WDR49: variants seen among roughly 807,000 people sequenced by gnomAD.
The protein encoded by WDR49 is WD repeat domain 49.
A neutral mutation model predicts 119.5 loss-of-function variants in WDR49; 107 were observed. The observed-to-expected ratio is 0.90, with a 90% confidence interval of 0.77 to 1.05. The LOEUF is 1.05. Ranked by LOEUF, WDR49 falls within the 50% of genes least tolerant of loss-of-function variation. WDR49 has a pLI of 0.00. For synonymous variants in WDR49, 425 were observed against 418.8 expected, an observed-to-expected ratio of 1.01 and a Z score of -0.18; for missense variants, 1,240 against 1,220.5, an observed-to-expected ratio of 1.02 and a Z score of -0.24.
At chr3:167,577,671 T>C (rs1398396234) in intron 7 of WDR49, among the ~76,000 whole-genome samples, 1 of 152,184 alleles carries the variant, frequency 6.6e-6, no homozygotes, top group Non-Finnish European at 1.5e-5. Flanking sequence ...TATTTTATTT[T>C]TTCATTGTGT....
intron 7 of WDR49, among the ~76,000 whole-genome samples, chr3:167,586,678 T>C (rs1714832068): frequency 1.3e-5 from 2 of 152,216 alleles, no homozygotes; most frequent in African/African-American, 4.8e-5. Context: ...GCAGAATGCA[T>C]TGTTGTTTGT....
intron 7 of WDR49, among the ~76,000 whole-genome samples, chr3:167,578,054 C>G (rs1034012558): frequency 6.6e-6 from 1 of 152,158 alleles, no homozygotes; most frequent in South Asian, 2.1e-4. Context: ...TCTTCTTCTA[C>G]CTTTTCATTC....
At chr3:167,489,580 G>C (rs562513362) in intron 18 of WDR49, among the ~76,000 whole-genome samples, 1 of 152,178 alleles carries the variant, frequency 6.6e-6, no homozygotes, top group African/African-American at 2.4e-5. Flanking sequence ...TGATGAAAAG[G>C]AAAGATGTGG....
At chr3:167,564,702 A>T (rs971579077) in intron 8 of WDR49, among the ~76,000 whole-genome samples, 2 of 152,220 alleles carry the variant, frequency 1.3e-5, no homozygotes, top group African/African-American at 4.8e-5. Context: ...TGATGAGAAC[A>T]GTCTCTCTCT....
Position 167,495,883 on chromosome 3 carries a change from G to GAA in WDR49, c.3031+4268_3031+4269dup. On this transcript the variant is annotated intron_variant, in intron 18 of 18. Coordinates refer to ENST00000682715, the MANE Select transcript of WDR49 (RefSeq NM_001366157.1). ...GGAAATAAGTTAACTTTAAAAATTT[G>GAA]AAAAAAAAAAAAAAAAAAAAAAAGC... is the stretch of plus-strand genomic sequence containing the variant. Among the ~76,000 whole-genome samples the GAA allele has an allele frequency of 9.2e-3, 651 of 71,024 alleles. 8 individuals carry two copies. The highest frequency in any genetic ancestry group is 0.042 in the Middle Eastern group (3 of 72). The allele number at this position is 71,024 out of a possible 152,430, so 46.6% of individuals were successfully genotyped here. A position where few individuals can be genotyped will look rare whatever the true frequency, so the allele number is the denominator to read the frequency against.
chr3:167,521,027 T>G (rs1404636876), intron 16 of WDR49, among the ~76,000 whole-genome samples: 1 of 152,094 alleles, frequency 6.6e-6, no homozygotes, highest in Non-Finnish European at 1.5e-5. Flanking sequence ...ACAGCAGACC[T>G]GTGTCTCACT....
chr3:167,603,257 CCTT>C (rs1228314763), intron 6 of WDR49, among the ~76,000 whole-genome samples: 1 of 152,062 alleles, frequency 6.6e-6, no homozygotes, highest in African/African-American at 2.4e-5. Context: ...ACTTAATCAT[CCTT>C]ATTTTTTCCA....
intron 7 of WDR49, among the ~76,000 whole-genome samples, chr3:167,597,558 C>T (rs770100325): frequency 2.6e-5 from 4 of 152,096 alleles, no homozygotes; most frequent in South Asian, 2.1e-4. Context: ...CAACAGCTTG[C>T]GTCGTGCACC....
At chr3:167,623,291 T>C (rs1190776776) in intron 3 of WDR49, among the ~76,000 whole-genome samples, 1 of 152,036 alleles carries the variant, frequency 6.6e-6, no homozygotes, top group Non-Finnish European at 1.5e-5. Context: ...TATACTGAAC[T>C]AAATACTAGC....
chr3:167,517,530 T>C (rs1342408303), intron 16 of WDR49, among the ~76,000 whole-genome samples: 1 of 152,060 alleles, frequency 6.6e-6, no homozygotes, highest in African/African-American at 2.4e-5. Context: ...TCAAAATGGA[T>C]TAAAGACTTA....
At chr3:167,624,286 A>T (rs1233620553) in intron 3 of WDR49, among the ~76,000 whole-genome samples, 1 of 149,942 alleles carries the variant, frequency 6.7e-6, no homozygotes, top group African/African-American at 2.5e-5. Context: ...GCAGAGCAAT[A>T]AAAAAAACTA....
chr3:167,564,381 A>AGG (rs1447101873), intron 8 of WDR49, among the ~76,000 whole-genome samples: 1 of 152,228 alleles, frequency 6.6e-6, no homozygotes, highest in African/African-American at 2.4e-5. Flanking sequence ...GGGCGTTCAA[A>AGG]GTTTAGTGAA....
chr3:167,612,479 T>C (rs1237446161), intron 5 of WDR49, among the ~76,000 whole-genome samples: 1 of 149,200 alleles, frequency 6.7e-6, no homozygotes, highest in Non-Finnish European at 1.5e-5. Flanking sequence ...ATAATAAAGA[T>C]CAGAGCTGAA....
At chr3:167,644,247 C>T (rs564595556) in intron 2 of WDR49, among the ~76,000 whole-genome samples, 2 of 152,154 alleles carry the variant, frequency 1.3e-5, no homozygotes, top group South Asian at 4.1e-4. Flanking sequence ...ACTAGACATA[C>T]ATTTAGAAAT....
At position 167,522,479 on chromosome 3, in the gene WDR49, C is replaced by A. The variant is rs760426003; in HGVS notation, c.2610G>T (p.Lys870Asn). The A allele has an allele frequency of 4.4e-6, 7 of 1,584,446 alleles. No individual in the cohort carries two copies. In the African/African-American group the frequency reaches 9.6e-5, roughly 22 times the overall value. Reference sequence around the variant, plus strand: ...AAAGGCAGTTTTCAATATGCCAGTGCTTTGCCTGAAAAAAACGAAAACATC... The same window carrying A: ...AAAGGCAGTTTTCAATATGCCAGTGATTTGCCTGAAAAAAACGAAAACATC... The part of the protein sequence containing the change: ...NAPVWIFGQA[K>N]HWHIENCLFL... The change falls in exon 16 of 19, where the codon AAG (lysine) becomes AAT (asparagine). Residue 870 changes from lysine (K) to asparagine (N), a missense_variant. Coordinates refer to ENST00000682715, the MANE Select transcript of WDR49 (RefSeq NM_001366157.1).
At position 167,621,619 on chromosome 3, in the gene WDR49, C is replaced by A. The variant is rs1241827335; in HGVS notation, c.631G>T (p.Glu211Ter). The A allele has an allele frequency of 6.5e-7, 1 of 1,533,376 alleles. No individual in the cohort carries two copies. Among genetic ancestry groups the A allele is most frequent in the East Asian group, 2.5e-5 (1 of 40,808 alleles). The allele number at this position is 1,533,376 out of a possible 1,614,324, so 95.0% of individuals were successfully genotyped here. A position where few individuals can be genotyped will look rare whatever the true frequency, so the allele number is the denominator to read the frequency against. The change falls in exon 4 of 19, where the codon GAG becomes TAG. Residue 211 changes from glutamate to a stop codon, truncating the protein, a stop_gained. Coordinates refer to ENST00000682715, the MANE Select transcript of WDR49 (RefSeq NM_001366157.1). LOFTEE classifies it high-confidence loss of function. ...GACAGCAGATCATAGAAACAAACCTCTTTACTTGTAAAAGCCACTGCTATC... is the reference window on the plus strand; with the variant it reads ...GACAGCAGATCATAGAAACAAACCTATTTACTTGTAAAAGCCACTGCTATC... ...NKIAVAFTSK[E>*]VCFYDLLSKE...
intron 15 of WDR49, among the ~76,000 whole-genome samples, chr3:167,524,138 T>C (rs1337022580): frequency 2.0e-5 from 3 of 152,224 alleles, no homozygotes; most frequent in Non-Finnish European, 4.4e-5. Context: ...TGCATTTCTC[T>C]AATGACCAGT....
At chr3:167,598,218 T>G (rs1715587476) in intron 7 of WDR49, among the ~76,000 whole-genome samples, 1 of 151,698 alleles carries the variant, frequency 6.6e-6, no homozygotes, top group Non-Finnish European at 1.5e-5. Flanking sequence ...GGTAGGAGAA[T>G]TGCTCGAACC....
At chr3:167,604,629 C>G (rs1664339907) in intron 5 of WDR49, among the ~76,000 whole-genome samples, 161 bp from the exon 6 acceptor site, 1 of 152,146 alleles carries the variant, frequency 6.6e-6, no homozygotes, top group South Asian at 2.1e-4. Flanking sequence ...TCTCCCACCT[C>G]CCACAAAAGA....
Sources: allele counts gnomAD v4.1 joint callset (sites outside exome capture counted in the v4.1 genomes callset), GRCh38; gene constraint gnomAD v4.1.1; transcripts MANE v1.5; gene names NCBI Gene and HGNC (gene_info 2026-07-23, HGNC 2026-07-21).